Variants in TNKS observed in about 807,000 individuals in gnomAD.
TNKS encodes poly [ADP-ribose] polymerase tankyrase-1.
Under a neutral mutation model 135.8 loss-of-function variants are expected in TNKS, and 72 were observed. The observed-to-expected ratio is 0.53, with a 90% CI of 0.44 to 0.64. The LOEUF (loss-of-function observed/expected upper bound fraction) is 0.64. Ranked by LOEUF, TNKS falls within the 30% of genes least tolerant of loss-of-function variation. The pLI, the probability that TNKS is intolerant of heterozygous loss-of-function variation, is 0.00. For missense variants in TNKS, 1,769 were observed against 1,674.0 expected (o/e 1.06, Z -0.99); for synonymous variants, 849 against 649.3 (o/e 1.31, Z -4.68).
intron 5 of TNKS, among the ~76,000 whole-genome samples, chr8:9,683,685 T>A (rs1244270510): frequency 1.3e-5 from 2 of 151,862 alleles, no homozygotes; most frequent in Non-Finnish European, 2.9e-5. Context: ...CTTTAGGTTT[T>A]TTTTTAATGT....
At chr8:9,701,063 C>G (rs529596999) in intron 5 of TNKS, among the ~76,000 whole-genome samples, 1 of 151,348 alleles carries the variant, frequency 6.6e-6, no homozygotes, top group South Asian at 2.1e-4. Context: ...CCTCCCAAGT[C>G]GCTGGGACTA....
chr8:9,594,075 T>C (rs1175487332), intron 2 of TNKS, among the ~76,000 whole-genome samples: 4 of 151,972 alleles, frequency 2.6e-5, no homozygotes, highest in African/African-American at 9.7e-5. Context: ...TTAGTAGAGA[T>C]GGGGTTTCGC....
chr8:9,761,005 C>T lies in TNKS; in HGVS notation c.3154-511C>T, dbSNP rs916162569. Among the ~76,000 whole-genome samples, 4 of 152,164 alleles carry T rather than the reference C, an allele frequency of 2.6e-5. No individual in the cohort carries two copies. The South Asian group carries it at 6.2e-4, about 24-fold the overall frequency. On this transcript the variant is annotated intron_variant, in intron 20 of 26. Coordinates refer to ENST00000310430, the MANE Select transcript of TNKS (RefSeq NM_003747.3). ...TCAATCTCACTGCTTTTTAAGGAAG[C>T]CTGTCCCGGGCTTGAGTATTTCTTA...
chr8:9,779,945 T>C lies in TNKS; in HGVS notation c.*3209T>C, dbSNP rs1409642030. 1 of 152,222 alleles carries C rather than the reference T, an allele frequency of 6.6e-6. No individual in the cohort carries two copies. Among genetic ancestry groups the C allele is most frequent in the African/African-American group, 2.4e-5 (1 of 41,462 alleles). The allele number at this position is 152,222 out of a possible 1,614,324, so 9.4% of individuals were successfully genotyped here. On this transcript the variant is annotated 3_prime_UTR_variant, in exon 27 of 27. Transcript: ENST00000310430. ...CATGAAATAGCATCCTTATACTTCT[T>C]TGAGCTTGATGTTAGTGGCTAGACT...
At chr8:9,696,363 C>G (rs1233045487) in intron 5 of TNKS, among the ~76,000 whole-genome samples, 1 of 151,828 alleles carries the variant, frequency 6.6e-6, no homozygotes, top group Non-Finnish European at 1.5e-5. Context: ...ATCATCGATA[C>G]CAAATAATGC....
chr8:9,678,661 G>A (rs1802646769), intron 3 of TNKS, among the ~76,000 whole-genome samples: 1 of 152,132 alleles, frequency 6.6e-6, no homozygotes, highest in Admixed American at 6.5e-5. Context: ...CTAATAATGG[G>A]TTATAGCATT....
chr8:9,561,442 T>G (rs1797328304), intron 1 of TNKS, among the ~76,000 whole-genome samples: 1 of 152,220 alleles, frequency 6.6e-6, no homozygotes, highest in Non-Finnish European at 1.5e-5. Context: ...AGTTGCCTGT[T>G]TTAGAATTTC....
intron 3 of TNKS, among the ~76,000 whole-genome samples, chr8:9,624,739 T>C (rs957853500): frequency 6.6e-6 from 1 of 152,174 alleles, no homozygotes; most frequent in African/African-American, 2.4e-5. Flanking sequence ...TAGTAATACA[T>C]TCGGCCCTAG....
At chr8:9,702,659 A>G (rs9644704) in intron 5 of TNKS, among the ~76,000 whole-genome samples, 90,622 of 152,078 alleles carry the variant, frequency 0.6, 27,369 homozygotes, top group Middle Eastern at 0.71. Context: ...ATGGATCTCA[A>G]AGCAGAAACT....
chr8:9,763,409 C>G (rs906528355), intron 22 of TNKS, among the ~76,000 whole-genome samples, 165 bp downstream of exon 22: 1 of 151,896 alleles, frequency 6.6e-6, no homozygotes, highest in Non-Finnish European at 1.5e-5. Context: ...TATGACGGCG[C>G]CCCATGGTTT....
At chr8:9,759,863 G>A (rs1807048572) in intron 20 of TNKS, among the ~76,000 whole-genome samples, 1 of 152,070 alleles carries the variant, frequency 6.6e-6, no homozygotes, top group African/African-American at 2.4e-5. Context: ...TAGTCCCAGC[G>A]ACTTGAGAGG....
intron 1 of TNKS, among the ~76,000 whole-genome samples, chr8:9,563,884 T>C (rs184072063): frequency 4.6e-5 from 7 of 152,302 alleles, no homozygotes; most frequent in African/African-American, 1.7e-4. Flanking sequence ...TCGTTGCTCA[T>C]TTTTACAGAA....
chr8:9,766,164 A>G, intron 24 of TNKS, 75 bp from the exon 25 acceptor site: 1 of 1,270,706 alleles, frequency 7.9e-7, no homozygotes, highest in Non-Finnish European at 1.1e-6. Context: ...AACCTGCCCG[A>G]TGCAAATAGT....
chr8:9,593,880 A>AT (rs997550985), intron 2 of TNKS, among the ~76,000 whole-genome samples: 59 of 149,644 alleles, frequency 3.9e-4, no homozygotes, highest in South Asian at 8.4e-4. Flanking sequence ...TTATTTATTT[A>AT]TTATTATTAT....
chr8:9,610,256 G>A (rs1289399178), intron 2 of TNKS, among the ~76,000 whole-genome samples: 1 of 151,642 alleles, frequency 6.6e-6, no homozygotes, highest in Non-Finnish European at 1.5e-5. Flanking sequence ...TAAGTAATGT[G>A]TATTTTGGAT....
intron 5 of TNKS, among the ~76,000 whole-genome samples, chr8:9,702,927 A>T (rs1293810791): frequency 6.6e-6 from 1 of 152,142 alleles, no homozygotes; most frequent in South Asian, 2.1e-4. Context: ...GAGACAGGAG[A>T]ATCACTTGAA....
At chr8:9,661,233 C>T (rs1272309210) in intron 3 of TNKS, among the ~76,000 whole-genome samples, 2 of 152,018 alleles carry the variant, frequency 1.3e-5, no homozygotes, top group African/African-American at 2.4e-5. Flanking sequence ...GAAACAACTA[C>T]TTTAAAGTTC....
intron 1 of TNKS, among the ~76,000 whole-genome samples, chr8:9,561,851 T>C (rs976813890): frequency 2.6e-5 from 4 of 152,150 alleles, no homozygotes; most frequent in Non-Finnish European, 5.9e-5. Flanking sequence ...GATTTTGCTC[T>C]TGTTGCCCAG....
In TNKS at chr8:9,656,611, C is replaced by CTTTTTTTTTTTTT. The variant is rs71201960; in HGVS notation, c.995-23337_995-23325dup. 1.6e-3 allele frequency among the ~76,000 whole-genome samples: 220 copies of CTTTTTTTTTTTTT among 136,374 alleles called. 2 individuals are homozygous for CTTTTTTTTTTTTT. Among genetic ancestry groups the CTTTTTTTTTTTTT allele is most frequent in the African/African-American group, 6.1e-3 (213 of 35,012 alleles). The allele number at this position is 136,374 out of a possible 152,430, so 89.5% of individuals were successfully genotyped here. On this transcript the variant is annotated intron_variant, in intron 3 of 26. Coordinates refer to ENST00000310430, the MANE Select transcript of TNKS (RefSeq NM_003747.3). The stretch of plus-strand genomic sequence containing the variant: ...CAACATTCTTAAAGAAAAGAATTTT[C>CTTTTTTTTTTTTT]TTTTTTTTTTTTTTTAATTTATTTT...
Sources: allele counts gnomAD v4.1 joint callset (sites outside exome capture counted in the v4.1 genomes callset), GRCh38; gene constraint gnomAD v4.1.1; transcripts MANE v1.5; gene names NCBI Gene and HGNC (gene_info 2026-07-23, HGNC 2026-07-21).